Variants in IRGM observed in about 807,000 individuals in gnomAD.
The protein encoded by IRGM is immunity related GTPase M.
For synonymous variants in IRGM, 98 were observed against 80.6 expected (o/e 1.22, Z -1.16); for missense variants, 288 against 219.9 (o/e 1.31, Z -1.96).
At chr5:150,896,523 A>G (rs147441398) in intron 3 of IRGM, 45 of 1,613,568 alleles carry the variant, frequency 2.8e-5, no homozygotes, top group Non-Finnish European at 3.8e-5. Context: ...ATCAAAAGGT[A>G]TTACTCCATT....
At chr5:150,877,322 T>G (rs1369951176) in intron 1 of IRGM, among the ~76,000 whole-genome samples, 1 of 152,164 alleles carries the variant, frequency 6.6e-6, no homozygotes, top group Non-Finnish European at 1.5e-5. Flanking sequence ...TCTAATCAGC[T>G]GCCAGTGAGG....
chr5:150,892,866 T>C (rs972009942), intron 3 of IRGM, among the ~76,000 whole-genome samples: 8 of 152,264 alleles, frequency 5.3e-5, no homozygotes, highest in South Asian at 2.1e-4. Flanking sequence ...CACCTTGTCC[T>C]CTTAAAGTAT....
At chr5:150,888,239 G>T (rs1754555023) in intron 3 of IRGM, among the ~76,000 whole-genome samples, 2 of 151,950 alleles carry the variant, frequency 1.3e-5, no homozygotes, top group South Asian at 4.1e-4. Flanking sequence ...TTACATAATG[G>T]TAAAGGGTTC....
downstream of IRGM, among the ~76,000 whole-genome samples, chr5:150,851,744 G>T (rs28703930): frequency 2.6e-5 from 4 of 152,148 alleles, no homozygotes; most frequent in Admixed American, 2.6e-4. Context: ...ACCACTGATG[G>T]TATTTACAAG....
intron 3 of IRGM, among the ~76,000 whole-genome samples, chr5:150,890,570 C>A (rs1011236576): frequency 2.0e-5 from 3 of 151,398 alleles, no homozygotes; most frequent in Admixed American, 2.0e-4. Context: ...TGAGACTTTT[C>A]TTCTTTTCTA....
intron 3 of IRGM, chr5:150,896,931 C>T (rs772465793): frequency 1.1e-5 from 18 of 1,612,924 alleles, no homozygotes; most frequent in Admixed American, 1.7e-5. Flanking sequence ...GGAAACTGTC[C>T]CCAAAATACA....
downstream of IRGM, among the ~76,000 whole-genome samples, chr5:150,851,250 T>C (rs550302475): frequency 1.3e-5 from 2 of 152,268 alleles, no homozygotes; most frequent in South Asian, 4.1e-4. Flanking sequence ...GAAGGGAAGA[T>C]GGAGCAGGTG....
chr5:150,884,085 T>C (rs1754482210), intron 3 of IRGM, among the ~76,000 whole-genome samples: 1 of 152,086 alleles, frequency 6.6e-6, no homozygotes, highest in Admixed American at 6.6e-5. Context: ...TGGTTCAATA[T>C]TCACAAATCT....
Position 150,847,732 on chromosome 5 carries a change from G to A in IRGM, c.-392G>A, listed in dbSNP as rs867474990. ...AGCTTACTCCAGTGCCCACAGATAC[G>A]ACAGAGTGTCCCAAGTGCCCCTCAC... On this transcript the variant is annotated 5_prime_UTR_variant, in exon 2 of 2. Transcript: ENST00000522154. 4 of 191,396 alleles carry A rather than the reference G, an allele frequency of 2.1e-5. No homozygotes were observed. The South Asian group carries it at 3.0e-4, about 14-fold the overall frequency. The allele number at this position is 191,396 out of a possible 1,614,324, so 11.9% of individuals were successfully genotyped here.
At chr5:150,895,929 T>C in intron 3 of IRGM, 4 of 1,613,580 alleles carry the variant, frequency 2.5e-6, no homozygotes, top group South Asian at 2.2e-5. Flanking sequence ...AGCACATTTG[T>C]AGGGTTTCTC....
chr5:150,852,787 CA>C (rs1753994791), downstream of IRGM, among the ~76,000 whole-genome samples: 1 of 151,930 alleles, frequency 6.6e-6, no homozygotes. Flanking sequence ...GCAGAAGAAT[CA>C]AACAACTATT....
intron 3 of IRGM, among the ~76,000 whole-genome samples, chr5:150,888,418 A>T (rs150351447): frequency 6.1e-4 from 93 of 152,190 alleles, no homozygotes; most frequent in Admixed American, 2.5e-3. Context: ...ATTAACAAAG[A>T]TATTTAGGAC....
At chr5:150,876,606 G>T (rs1754366614) in intron 1 of IRGM, among the ~76,000 whole-genome samples, 1 of 152,176 alleles carries the variant, frequency 6.6e-6, no homozygotes, top group Non-Finnish European at 1.5e-5. Flanking sequence ...TGGAATACAG[G>T]AGTTAGGGCA....
At chr5:150,890,171 C>A (rs1430634841) in intron 3 of IRGM, among the ~76,000 whole-genome samples, 1 of 151,966 alleles carries the variant, frequency 6.6e-6, no homozygotes, top group Non-Finnish European at 1.5e-5. Context: ...AGGTTTTACA[C>A]TACAAGTTGA....
rs538224382 is a variant in IRGM at position 150,886,015 on chromosome 5, C to T, written c.*140+6369C>T. ...TCAAGGAAGATGTCTCCAGCTTTTG[C>T]CCATGCAGTATGATGTTGGCTGTTT... On this transcript the variant is annotated intron_variant and NMD_transcript_variant, in intron 3 of 3. Coordinates refer to the IRGM transcript ENST00000520549. Among the ~76,000 whole-genome samples the T allele has an allele frequency of 2.6e-5, 4 of 152,162 alleles. No individual in the cohort carries two copies. In the South Asian group the frequency reaches 8.3e-4, roughly 32 times the overall value.
chr5:150,898,749 T>C (rs988659668), intron 3 of IRGM, among the ~76,000 whole-genome samples: 3 of 151,962 alleles, frequency 2.0e-5, no homozygotes, highest in African/African-American at 7.3e-5. Context: ...ACCTAATACA[T>C]ATAGTAATTT....
At chr5:150,886,956 G>T (rs2345001) in intron 3 of IRGM, among the ~76,000 whole-genome samples, 31,738 of 151,688 alleles carry the variant, frequency 0.21, 5,354 homozygotes, top group African/African-American at 0.45. Context: ...CTTTGGAGTG[G>T]ATTTGTTCTT....
At chr5:150,886,814 G>C (rs1754531849) in intron 3 of IRGM, among the ~76,000 whole-genome samples, 1 of 151,804 alleles carries the variant, frequency 6.6e-6, no homozygotes, top group African/African-American at 2.4e-5. Context: ...AGTCTAGCTA[G>C]TGACCTATCT....
At chr5:150,881,166 G>A (rs553124069) in intron 3 of IRGM, among the ~76,000 whole-genome samples, 1 of 151,016 alleles carries the variant, frequency 6.6e-6, no homozygotes, top group Non-Finnish European at 1.5e-5. Flanking sequence ...AAATATCCAA[G>A]TATGGGAAGG....
Sources: gnomAD v4.1 joint callset for allele counts (sites outside exome capture counted in the v4.1 genomes callset) on GRCh38, gnomAD v4.1.1 for gene constraint, MANE v1.5 for transcripts, NCBI Gene and HGNC (gene_info 2026-07-23, HGNC 2026-07-21) for gene names.